Variants in PIK3AP1 observed in about 807,000 individuals in gnomAD.
PIK3AP1 encodes phosphoinositide 3-kinase adapter protein 1.
A neutral mutation model predicts 88.1 loss-of-function variants in PIK3AP1; 21 were observed. The observed-to-expected ratio is 0.24, with a 90% CI of 0.17 to 0.34. PIK3AP1 has a LOEUF of 0.34. Ranked by LOEUF, PIK3AP1 falls within the 10% of genes least tolerant of loss-of-function variation. PIK3AP1 has a pLI of 1.00. For synonymous variants in PIK3AP1, 398 were observed against 400.0 expected (o/e 1.00, Z 0.06); for missense variants, 828 against 1,035.7 (o/e 0.80, Z 2.75).
In PIK3AP1 at chr10:96,609,694, G is replaced by T; in HGVS notation, c.2170+18C>A. 6.2e-7 allele frequency: 1 copy of T among 1,606,910 alleles called. No individual in the cohort carries two copies. The highest frequency in any genetic ancestry group is 2.2e-5 in the East Asian group (1 of 44,750). On this transcript the variant is annotated intron_variant, in intron 14 of 16. Transcript: ENST00000339364. Reference sequence around the variant, plus strand: ...GCCCAGTCAAGAAGACCCCACCCCCGCACCCCCAGCTGCTCACTTGCTGTG... The same window carrying T: ...GCCCAGTCAAGAAGACCCCACCCCCTCACCCCCAGCTGCTCACTTGCTGTG...
chr10:96,641,130 T>TGCGC (rs1843383642), intron 8 of PIK3AP1, among the ~76,000 whole-genome samples: 2 of 131,040 alleles, frequency 1.5e-5, no homozygotes, highest in African/African-American at 2.6e-5. Context: ...TGTGTGCGTG[T>TGCGC]GCATGTATAC....
At position 96,595,683 on chromosome 10, in the gene PIK3AP1, C is replaced by T. The variant is rs539312620; in HGVS notation, c.2361-49G>A. 34 of 1,583,298 alleles carry T rather than the reference C, an allele frequency of 2.1e-5. No individual in the cohort carries two copies. In the South Asian group the frequency reaches 3.7e-4, roughly 17 times the overall value. ...CTATTTAAAAACTAATTTGATTAAA[C>T]AGTTCTTAGGAATGCACAATTTGTT... On this transcript the variant is annotated intron_variant, in intron 16 of 16. Transcript: ENST00000339364.
At chr10:96,704,923 C>G (rs1844343170) in intron 2 of PIK3AP1, among the ~76,000 whole-genome samples, 1 of 152,132 alleles carries the variant, frequency 6.6e-6, no homozygotes, top group Admixed American at 6.5e-5. Flanking sequence ...ATAACCTCCT[C>G]TACTCTATTA....
intron 8 of PIK3AP1, among the ~76,000 whole-genome samples, chr10:96,639,088 T>A (rs1223262605): frequency 6.6e-6 from 1 of 151,604 alleles, no homozygotes; most frequent in Non-Finnish European, 1.5e-5. Flanking sequence ...GAAGGAAGAG[T>A]CAAATGCAAG....
rs1347342135 is a variant in PIK3AP1 at position 96,651,238 on chromosome 10, G to A, written c.988+10C>T. ...CACGTTGGTTTCCTGAGGTTTGACT[G>A]TCAACTTACTTGTCATCATATCTTC... On this transcript the variant is annotated intron_variant, in intron 6 of 16. Transcript: ENST00000339364. The A allele has an allele frequency of 3.1e-6, 5 of 1,614,230 alleles. No homozygotes were observed. Among genetic ancestry groups the A allele is most frequent in the Non-Finnish European group, 4.2e-6 (5 of 1,180,032 alleles).
intron 8 of PIK3AP1, among the ~76,000 whole-genome samples, chr10:96,628,885 T>TAC (rs1564961190): frequency 2.7e-5 from 1 of 36,796 alleles, no homozygotes; most frequent in East Asian, 2.6e-3. Flanking sequence ...CATATATATA[T>TAC]ATACATATAT....
intron 14 of PIK3AP1, among the ~76,000 whole-genome samples, chr10:96,608,277 A>G (rs553835911): frequency 8.5e-5 from 13 of 152,286 alleles, no homozygotes; most frequent in Non-Finnish European, 5.9e-5. Context: ...CAGGTCTGAG[A>G]GACAGAGATA....
chr10:96,609,990 G>A, intron 13 of PIK3AP1, 123 bp from the exon 14 acceptor site: 2 of 1,267,190 alleles, frequency 1.6e-6, no homozygotes, highest in South Asian at 1.3e-5. Context: ...GAAGGGGAAG[G>A]GAAAAGACGA....
At chr10:96,607,919 T>C (rs1305396832) in intron 14 of PIK3AP1, among the ~76,000 whole-genome samples, 1 of 152,182 alleles carries the variant, frequency 6.6e-6, no homozygotes, top group Non-Finnish European at 1.5e-5. Flanking sequence ...GCATGGTTTA[T>C]TGCATGGCAA....
chr10:96,634,472 T>A (rs757361114), intron 8 of PIK3AP1, among the ~76,000 whole-genome samples: 4 of 152,212 alleles, frequency 2.6e-5, no homozygotes, highest in African/African-American at 4.8e-5. Flanking sequence ...TGGACTTTGA[T>A]ATCTTGGAGA....
At position 96,623,531 on chromosome 10, in the gene PIK3AP1, G is replaced by A. The variant is rs1843115934; in HGVS notation, c.1676C>T (p.Ala559Val). 2 of 1,604,568 alleles carry A rather than the reference G, an allele frequency of 1.2e-6. No homozygotes were observed. The highest frequency in any genetic ancestry group is 1.7e-6 in the Non-Finnish European group (2 of 1,172,436). ...DNEPYIFKVF[A>V]EKSQERPGNF... is the part of the protein sequence containing the mutation. ...CCCAGGCCGCTCTTGACTTTTTTCT[G>A]CAAAAACTATGAGATAAAGAATATT... is the stretch of plus-strand genomic sequence containing the variant. Residue 559 changes from alanine (A) to valine (V), a missense_variant, in exon 11 of 17, where the codon GCA (alanine) becomes GTA (valine). Coordinates refer to ENST00000339364, the MANE Select transcript of PIK3AP1 (RefSeq NM_152309.3).
intron 8 of PIK3AP1, among the ~76,000 whole-genome samples, chr10:96,628,889 CATAT>C (rs745432871): frequency 3.9e-4 from 24 of 60,840 alleles, no homozygotes; most frequent in African/African-American, 1.4e-3. Context: ...TATATATATA[CATAT>C]ATATATATAT....
intron 2 of PIK3AP1, among the ~76,000 whole-genome samples, chr10:96,676,921 A>G (rs1204393454): frequency 2.0e-5 from 3 of 151,928 alleles, no homozygotes; most frequent in African/African-American, 7.3e-5. Context: ...GACGGACTGA[A>G]CCCTCCCAAC....
At chr10:96,685,633 A>G (rs1844057919) in intron 2 of PIK3AP1, among the ~76,000 whole-genome samples, 1 of 152,236 alleles carries the variant, frequency 6.6e-6, no homozygotes, top group Non-Finnish European at 1.5e-5. Flanking sequence ...GTCTTGCCCC[A>G]TAACCCAGAG....
At chr10:96,614,680 G>C (rs1849184774) in intron 13 of PIK3AP1, among the ~76,000 whole-genome samples, 1 of 152,142 alleles carries the variant, frequency 6.6e-6, no homozygotes, top group Non-Finnish European at 1.5e-5. Flanking sequence ...TGACTCATTA[G>C]CTACCAGATG....
At position 96,663,627 on chromosome 10, in the gene PIK3AP1, CAAAAAAAAAAAA is replaced by C. The variant is rs373081849; in HGVS notation, c.431-6705_431-6694del. ...CCTGGGCAACAGAGTGAGACTCCGTCAAAAAAAAAAAAAAAAAAAAAAAAAAAGAAACCCATT... is the reference window on the plus strand; with the variant it reads ...CCTGGGCAACAGAGTGAGACTCCGTCAAAAAAAAAAAAAAAGAAACCCATT... On this transcript the variant is annotated intron_variant, in intron 2 of 16. Transcript: ENST00000339364. Among the ~76,000 whole-genome samples the C allele has an allele frequency of 1.3e-3, 54 of 42,988 alleles. 1 individual carries two copies. Among genetic ancestry groups the C allele is most frequent in the African/African-American group, 3.3e-3 (39 of 11,728 alleles). The allele number at this position is 42,988 out of a possible 152,430, so 28.2% of individuals were successfully genotyped here.
chr10:96,605,419 T>C (rs1848986851), intron 14 of PIK3AP1, among the ~76,000 whole-genome samples: 1 of 152,192 alleles, frequency 6.6e-6, no homozygotes, highest in Non-Finnish European at 1.5e-5. Flanking sequence ...GTGGCTACCA[T>C]AACTGGACAG....
intron 10 of PIK3AP1, among the ~76,000 whole-genome samples, chr10:96,624,097 AC>A (rs1259281047): frequency 6.6e-6 from 1 of 152,204 alleles, no homozygotes; most frequent in African/African-American, 2.4e-5. Context: ...GAGTCCAAAT[AC>A]TAGCTCTGTG....
chr10:96,640,250 T>C (rs909188373), intron 8 of PIK3AP1, among the ~76,000 whole-genome samples: 3 of 152,214 alleles, frequency 2.0e-5, no homozygotes, highest in African/African-American at 7.2e-5. Flanking sequence ...AATGCCTTTC[T>C]CTTTTCGCTC....
Sources: allele counts gnomAD v4.1 joint callset (sites outside exome capture counted in the v4.1 genomes callset), GRCh38; gene constraint gnomAD v4.1.1; transcripts MANE v1.5; gene names NCBI Gene and HGNC (gene_info 2026-07-23, HGNC 2026-07-21).